Variants in TMEM150B observed in about 807,000 individuals in gnomAD.
The protein encoded by TMEM150B is transmembrane protein 150B.
In TMEM150B, 33 loss-of-function variants were observed where a neutral mutation model predicts 25.2. That is an observed-to-expected ratio of 1.31 (90% CI 0.99 to 1.75). The LOEUF (loss-of-function observed/expected upper bound fraction) is 1.75, where lower values mean the gene tolerates loss of function less well. Among genes scored for constraint, TMEM150B ranks in the 40% most tolerant of loss-of-function variants. The probability of loss-of-function intolerance (pLI) is 0.00; values close to 1 mark genes in which losing one functional copy is unlikely to be tolerated. For missense variants in TMEM150B, 322 were observed against 306.1 expected, an observed-to-expected ratio of 1.05 and a Z score of -0.39; for synonymous variants, 133 against 134.8, an observed-to-expected ratio of 0.99 and a Z score of 0.09.
chr19:55,318,000 T>G (rs1274940061), intron 6 of TMEM150B, among the ~76,000 whole-genome samples: 2 of 151,584 alleles, frequency 1.3e-5, no homozygotes, highest in Non-Finnish European at 2.9e-5. Context: ...TACTTAAAAT[T>G]TCATGGGAAG....
At chr19:55,320,229 A>G in intron 5 of TMEM150B, 63 bp from the exon 6 acceptor site, 1 of 1,577,690 alleles carries the variant, frequency 6.3e-7, no homozygotes, top group African/African-American at 1.4e-5. Flanking sequence ...GGACCCAGGG[A>G]GGGAAGTGAG....
At chr19:55,324,405 T>C (rs1482990588) in intron 1 of TMEM150B, among the ~76,000 whole-genome samples, 1 of 151,804 alleles carries the variant, frequency 6.6e-6, no homozygotes, top group Non-Finnish European at 1.5e-5. Flanking sequence ...ATCCCAGCAC[T>C]TTGGGAGGCC....
At chr19:55,313,682 A>G (rs990321323) in intron 7 of TMEM150B, among the ~76,000 whole-genome samples, 1 of 151,378 alleles carries the variant, frequency 6.6e-6, no homozygotes, top group Non-Finnish European at 1.5e-5. Context: ...TGCCTTACCC[A>G]TCTCTCTCCA....
chr19:55,311,425 G>C (rs2088791506), downstream of TMEM150B, among the ~76,000 whole-genome samples: 1 of 152,146 alleles, frequency 6.6e-6, no homozygotes, highest in South Asian at 2.1e-4. Flanking sequence ...CCTGAGTCAG[G>C]CTGGCCCAGC....
At chr19:55,320,235 G>T in intron 5 of TMEM150B, 69 bp from the exon 6 acceptor site, 2 of 1,576,556 alleles carry the variant, frequency 1.3e-6, no homozygotes, top group Non-Finnish European at 1.7e-6. Context: ...AGGGAGGGAA[G>T]TGAGGGGAGC....
intron 6 of TMEM150B, among the ~76,000 whole-genome samples, chr19:55,317,188 A>T (rs2089033915): frequency 6.6e-6 from 1 of 152,238 alleles, no homozygotes; most frequent in Non-Finnish European, 1.5e-5. Context: ...AGTGATGGGC[A>T]CATAGTAGAT....
Position 55,312,850 on chromosome 19 carries a change from G to A in TMEM150B, c.*9C>T. 6.3e-7 allele frequency: 1 copy of A among 1,574,826 alleles called. No homozygotes were observed. Among genetic ancestry groups the A allele is most frequent in the Non-Finnish European group, 8.6e-7 (1 of 1,161,608 alleles). The stretch of plus-strand genomic sequence containing the variant: ...ACTGGTGAGGGCAAGGCCCGGGTCA[G>A]GGTGCCTGCTACAGCTGGACCGGCA... On this transcript the variant is annotated 3_prime_UTR_variant, in exon 8 of 8. Coordinates refer to ENST00000326652, the MANE Select transcript of TMEM150B (RefSeq NM_001282011.2).
At chr19:55,318,390 G>A (rs1399512805) in intron 6 of TMEM150B, among the ~76,000 whole-genome samples, 1 of 151,008 alleles carries the variant, frequency 6.6e-6, no homozygotes, top group Non-Finnish European at 1.5e-5. Flanking sequence ...GGAGCACTTT[G>A]GGAGGCTGAG....
At chr19:55,317,047 A>ACTGTCT in intron 6 of TMEM150B, 81 bp from the exon 7 acceptor site, 4 of 1,349,462 alleles carry the variant, frequency 3.0e-6, no homozygotes, top group Non-Finnish European at 4.0e-6. Context: ...GCCCTTCACC[A>ACTGTCT]ATGCAGTAGA....
rs753437620 is a variant in TMEM150B, at chr19:55,316,932, G to A, written c.359C>T (p.Ala120Val). 1.0e-5 allele frequency: 16 copies of A among 1,606,186 alleles called. No individual in the cohort carries two copies. In the Admixed American group the frequency reaches 2.8e-4, roughly 28 times the overall value. Residue 120 changes from alanine to valine, a missense_variant, in exon 7 of 8, where the codon GCC becomes GTC. Coordinates refer to ENST00000326652, the MANE Select transcript of TMEM150B (RefSeq NM_001282011.2). ...KNQRPTHLAGAFLAFILGNVY... is the reference protein window; with the variant it reads ...KNQRPTHLAGVFLAFILGNVY... Reference sequence around the variant, plus strand: ...GTTACCCAAGATGAAGGCAAGGAAGGCCCCTGCCAAGTGCGTAGGCCGCTG... The same window carrying A: ...GTTACCCAAGATGAAGGCAAGGAAGACCCCTGCCAAGTGCGTAGGCCGCTG...
At position 55,325,329 on chromosome 19, in the gene TMEM150B, G is replaced by T. The variant is rs2089305031; in HGVS notation, c.-211C>A. On this transcript the variant is annotated 5_prime_UTR_variant, in exon 1 of 8. Transcript: ENST00000326652. Reference sequence around the variant, plus strand: ...AAGGATCCTTCCAGAAGCTAGGGCTGCTGGCCTGGCTCAGCCGAGGGGAAG... The same window carrying T: ...AAGGATCCTTCCAGAAGCTAGGGCTTCTGGCCTGGCTCAGCCGAGGGGAAG... 1.0e-6 allele frequency: 1 copy of T among 985,352 alleles called. No individual in the cohort carries two copies. The highest frequency in any genetic ancestry group is 1.2e-6 in the Non-Finnish European group (1 of 829,948). 61.0% of individuals were successfully genotyped at this position (985,352 alleles called of 1,614,324 possible).
In TMEM150B at chr19:55,316,914, A is replaced by T; in HGVS notation, c.377T>A (p.Leu126Ter). The change falls in exon 7 of 8, where the codon TTG becomes TAG. Residue 126 changes from leucine to a stop codon, truncating the protein, a stop_gained. Coordinates refer to ENST00000326652, the MANE Select transcript of TMEM150B (RefSeq NM_001282011.2). LOFTEE classifies it high-confidence loss of function. ...CTGCAGCCAGAAGTAGACGTTACCC[A>T]AGATGAAGGCAAGGAAGGCCCCTGC... The part of the protein sequence containing the change: ...HLAGAFLAFI[L>*]GNVYFWLQLL... 1 of 1,607,436 alleles carries T rather than the reference A, an allele frequency of 6.2e-7. No individual in the cohort carries two copies. Among genetic ancestry groups the T allele is most frequent in the Non-Finnish European group, 8.5e-7 (1 of 1,177,906 alleles).
intron 7 of TMEM150B, 60 bp from the exon 8 acceptor site, chr19:55,313,115 C>T: frequency 6.6e-7 from 1 of 1,513,408 alleles, no homozygotes; most frequent in Non-Finnish European, 8.9e-7. Flanking sequence ...GGCCTGGTCT[C>T]TGTGCCGCCT....
rs1371054718 is a variant in TMEM150B at position 55,312,929 on chromosome 19, A to G, written c.632T>C (p.Leu211Pro). Residue 211 changes from leucine (L) to proline (P), a missense_variant, in exon 8 of 8, where the codon CTG becomes CCG. Transcript: ENST00000326652. ...VDFSALESCT[L>P]CVQPWPSLSP... Reference sequence around the variant, plus strand: ...GAGGCTGGGCCACGGCTGAACACACAGGGTGCAGCTCTCCAGGGCGGAGAA... The same window carrying G: ...GAGGCTGGGCCACGGCTGAACACACGGGGTGCAGCTCTCCAGGGCGGAGAA... 1.2e-6 allele frequency: 2 copies of G among 1,611,532 alleles called. No individual in the cohort carries two copies. The highest frequency in any genetic ancestry group is 1.7e-6 in the Non-Finnish European group (2 of 1,179,196).
Position 55,313,058 on chromosome 19 carries a change from G to T in TMEM150B, c.506-3C>A. The stretch of plus-strand genomic sequence containing the variant: ...CGAGCAGGCGTGGAGGACGATCACT[G>T]CCCCAGGGTCAAGGGCCACACTGCT... On this transcript the variant is annotated splice_polypyrimidine_tract_variant and splice_region_variant and intron_variant, in intron 7 of 7. Coordinates refer to ENST00000326652, the MANE Select transcript of TMEM150B (RefSeq NM_001282011.2). 1.2e-6 allele frequency: 2 copies of T among 1,607,394 alleles called. No individual in the cohort carries two copies. The highest frequency in any genetic ancestry group is 2.2e-5 in the East Asian group (1 of 44,656).
At chr19:55,314,734 G>C (rs1478225394) in intron 7 of TMEM150B, among the ~76,000 whole-genome samples, 1 of 152,152 alleles carries the variant, frequency 6.6e-6, no homozygotes, top group Non-Finnish European at 1.5e-5. Context: ...AGACCTAATG[G>C]TCTCATACCC....
In TMEM150B at chr19:55,312,845, G is replaced by C; in HGVS notation, c.*14C>G. 6.4e-7 allele frequency: 1 copy of C among 1,569,314 alleles called. No individual in the cohort carries two copies. The highest frequency in any genetic ancestry group is 8.6e-7 in the Non-Finnish European group (1 of 1,158,738). On this transcript the variant is annotated 3_prime_UTR_variant, in exon 8 of 8. Transcript: ENST00000326652. ...GCTTCACTGGTGAGGGCAAGGCCCG[G>C]GTCAGGGTGCCTGCTACAGCTGGAC...
downstream of TMEM150B, among the ~76,000 whole-genome samples, chr19:55,309,594 G>A (rs1600198073): frequency 6.6e-6 from 1 of 152,134 alleles, no homozygotes; most frequent in East Asian, 1.9e-4. Context: ...AGGGGCAAGG[G>A]AACTCTCTGG....
At chr19:55,323,800 AC>A (rs1288110984) in intron 1 of TMEM150B, among the ~76,000 whole-genome samples, 1 of 107,628 alleles carries the variant, frequency 9.3e-6, no homozygotes, top group Non-Finnish European at 1.9e-5. Flanking sequence ...ACTGCGCCCA[AC>A]CTTTTTTTTT....
Sources: allele counts gnomAD v4.1 joint callset (sites outside exome capture counted in the v4.1 genomes callset), GRCh38; gene constraint gnomAD v4.1.1; transcripts MANE v1.5; gene names NCBI Gene and HGNC (gene_info 2026-07-23, HGNC 2026-07-21).